The following PICALM variants were observed in gnomAD, a reference collection of about 807,000 sequenced individuals.
PICALM encodes phosphatidylinositol binding clathrin assembly protein.
Under a neutral mutation model 80.5 loss-of-function variants are expected in PICALM, and 40 were observed. The observed-to-expected ratio is 0.50, with a 90% CI of 0.39 to 0.65. The LOEUF is 0.65. PICALM is among the 30% of genes least tolerant of loss of function. PICALM has a pLI of 0.00. For missense variants in PICALM, 676 were observed against 778.9 expected, an observed-to-expected ratio of 0.87 and a Z score of 1.57; for synonymous variants, 288 against 260.3, an observed-to-expected ratio of 1.11 and a Z score of -1.02.
At chr11:85,988,523 GT>G (rs939321475) in intron 13 of PICALM, among the ~76,000 whole-genome samples, 1 of 152,064 alleles carries the variant, frequency 6.6e-6, no homozygotes, top group Admixed American at 6.6e-5. Flanking sequence ...CATAAAGGAA[GT>G]ATTAGGACAA....
intron 12 of PICALM, among the ~76,000 whole-genome samples, chr11:85,996,110 T>C (rs2094951604): frequency 1.3e-5 from 2 of 152,072 alleles, no homozygotes; most frequent in South Asian, 2.1e-4. Context: ...ATATAGTTCC[T>C]TCAAAAAAAT....
intron 19 of PICALM, among the ~76,000 whole-genome samples, chr11:85,959,288 A>C (rs551809784): frequency 6.6e-6 from 1 of 152,194 alleles, no homozygotes; most frequent in African/African-American, 2.4e-5. Flanking sequence ...GTTGTTTTTG[A>C]GACAGAGTCT....
At chr11:86,018,180 G>A (rs748974240) in intron 4 of PICALM, among the ~76,000 whole-genome samples, 1 of 152,088 alleles carries the variant, frequency 6.6e-6, no homozygotes, top group Admixed American at 6.6e-5. Flanking sequence ...TAAACACAAT[G>A]GAAAAGAGTG....
chr11:86,031,391 T>C, intron 2 of PICALM, 78 bp downstream of exon 2: 1 of 1,142,054 alleles, frequency 8.8e-7, no homozygotes, highest in Admixed American at 2.4e-5. Context: ...GGGAGCTGTT[T>C]CTGAAGTTTC....
In PICALM at chr11:85,998,166, C is replaced by T. The variant is rs2095036287; in HGVS notation, c.1155-1237G>A. Among the ~76,000 whole-genome samples, 4 of 152,114 alleles carry T rather than the reference C, an allele frequency of 2.6e-5. No homozygotes were observed. In the South Asian group the frequency reaches 8.3e-4, roughly 32 times the overall value. ...TCGCTCCGTCGCCCAGGCTGGAGTG[C>T]AGTGGAGCGATCCTGGCTCACTGCA... On this transcript the variant is annotated intron_variant, in intron 11 of 19. Coordinates refer to ENST00000393346, the MANE Select transcript of PICALM (RefSeq NM_007166.4).
intron 8 of PICALM, among the ~76,000 whole-genome samples, chr11:86,007,148 C>T (rs890676843): frequency 2.6e-5 from 4 of 152,150 alleles, no homozygotes; most frequent in Non-Finnish European, 5.9e-5. Context: ...CTGAGTCAAA[C>T]AGTCAAAGTG....
chr11:85,990,148 T>G, intron 13 of PICALM, 102 bp downstream of exon 13: 1 of 587,436 alleles, frequency 1.7e-6, no homozygotes, highest in Non-Finnish European at 2.7e-6. Context: ...TATTAAAATC[T>G]AAAGTAACTA....
chr11:85,976,751 A>ACAGCTACTAATTCCTT, intron 17 of PICALM, 69 bp from the exon 18 acceptor site: 1 of 865,642 alleles, frequency 1.2e-6, no homozygotes, highest in Non-Finnish European at 2.0e-6. Flanking sequence ...TCAAGGAATT[A>ACAGCTACTAATTCCTT]GTAGCTGTAG....
chr11:86,055,943 C>T (rs1340203540), intron 1 of PICALM, among the ~76,000 whole-genome samples: 1 of 151,692 alleles, frequency 6.6e-6, no homozygotes, highest in Non-Finnish European at 1.5e-5. Context: ...CAAGACCAGC[C>T]TGGCCAACAT....
At chr11:85,959,112 C>T in intron 19 of PICALM, 52 bp from the exon 20 acceptor site, 1 of 1,328,150 alleles carries the variant, frequency 7.5e-7, no homozygotes, top group Middle Eastern at 1.9e-4. Context: ...GATGTCTTCT[C>T]ATAAATAAAA....
chr11:86,034,303 A>AT (rs1320508574), intron 1 of PICALM, among the ~76,000 whole-genome samples: 4 of 152,114 alleles, frequency 2.6e-5, no homozygotes, highest in African/African-American at 7.2e-5. Context: ...CCATACAGTA[A>AT]TTTTTTATCT....
chr11:86,010,353 G>T (rs2095370932), intron 7 of PICALM, among the ~76,000 whole-genome samples: 1 of 148,540 alleles, frequency 6.7e-6, no homozygotes. Flanking sequence ...TTGAGATAGA[G>T]TCTTGCTCTG....
rs1157483360 is a variant in PICALM, at chr11:86,059,328, G to A, written c.130+9323C>T. On this transcript the variant is annotated intron_variant, in intron 1 of 19. Transcript: ENST00000393346. ...CGAAAACAATTCCTATTCTGTGGAGGAAATGTGCATAAACCCAAAATACAT... is the reference window on the plus strand; with the variant it reads ...CGAAAACAATTCCTATTCTGTGGAGAAAATGTGCATAAACCCAAAATACAT... 2.6e-5 allele frequency among the ~76,000 whole-genome samples: 4 copies of A among 152,318 alleles called. No individual in the cohort carries two copies. In the East Asian group the frequency reaches 7.7e-4, roughly 29 times the overall value.
intron 6 of PICALM, among the ~76,000 whole-genome samples, chr11:86,012,028 A>C (rs1385439555): frequency 1.3e-5 from 2 of 152,128 alleles, no homozygotes; most frequent in African/African-American, 4.8e-5. Context: ...ATTTCTAAAA[A>C]TTAATAAAAT....
At chr11:86,033,798 A>AT (rs1009893079) in intron 1 of PICALM, among the ~76,000 whole-genome samples, 1 of 152,120 alleles carries the variant, frequency 6.6e-6, no homozygotes, top group South Asian at 2.1e-4. Flanking sequence ...GATCAGTCAT[A>AT]TTTTTTAAGA....
intron 12 of PICALM, among the ~76,000 whole-genome samples, chr11:85,993,980 A>G (rs1247875646): frequency 2.6e-5 from 4 of 152,100 alleles, no homozygotes; most frequent in African/African-American, 2.4e-5. Flanking sequence ...TTGGTCTCCT[A>G]AAGTATTGCA....
intron 19 of PICALM, among the ~76,000 whole-genome samples, chr11:85,963,919 G>GT (rs2093780107): frequency 1.8e-4 from 4 of 22,846 alleles, no homozygotes; most frequent in Non-Finnish European, 3.9e-4. Flanking sequence ...ACCACACCTG[G>GT]CTTTTTTTTT....
chr11:86,031,161 C>T (rs1048339327), intron 2 of PICALM, among the ~76,000 whole-genome samples: 7 of 75,970 alleles, frequency 9.2e-5, no homozygotes, highest in African/African-American at 6.1e-4. Flanking sequence ...AATAAAAGAA[C>T]AAATGGATAT....
intron 1 of PICALM, among the ~76,000 whole-genome samples, chr11:86,066,710 TCA>T (rs993124910): frequency 1.3e-5 from 2 of 149,222 alleles, no homozygotes; most frequent in African/African-American, 5.0e-5. Flanking sequence ...GGAAAATAGT[TCA>T]CACAGTCACA....
Sources: gnomAD v4.1 joint callset for allele counts (sites outside exome capture counted in the v4.1 genomes callset) on GRCh38, gnomAD v4.1.1 for gene constraint, MANE v1.5 for transcripts, NCBI Gene and HGNC (gene_info 2026-07-23, HGNC 2026-07-21) for gene names.